Variants in SORL1 observed in about 807,000 individuals in gnomAD.
SORL1 encodes the protein sortilin related receptor 1.
SORL1 carries 127 observed loss-of-function variants against 273.7 expected under a neutral mutation model. That is an observed-to-expected ratio of 0.46 (90% CI 0.40 to 0.54). The LOEUF (loss-of-function observed/expected upper bound fraction) is 0.54, where lower values mean the gene tolerates loss of function less well. SORL1 is among the 20% of genes least tolerant of loss of function. The pLI is 0.00. For synonymous variants in SORL1, 1,031 were observed against 1,067.4 expected (o/e 0.97, Z 0.66); for missense variants, 2,494 against 2,846.1 (o/e 0.88, Z 2.81).
chr11:121,575,674 CCA>C (rs1326249884), intron 24 of SORL1, among the ~76,000 whole-genome samples: 3 of 152,320 alleles, frequency 2.0e-5, no homozygotes, highest in South Asian at 4.1e-4. Flanking sequence ...TAAAAAATTC[CCA>C]GTTTTCCTTC....
At chr11:121,583,640 A>C (rs1863048257) in intron 26 of SORL1, 57 bp downstream of exon 26, 4 of 1,539,562 alleles carry the variant, frequency 2.6e-6, no homozygotes, top group South Asian at 2.5e-5. Context: ...GCTGTTCAGG[A>C]AGAGAGGCCA....
intron 21 of SORL1, among the ~76,000 whole-genome samples, chr11:121,566,119 C>T (rs574038759): frequency 2.5e-4 from 38 of 152,220 alleles, no homozygotes; most frequent in African/African-American, 7.5e-4. Flanking sequence ...AGCAGAAACC[C>T]ACTCAAGCTA....
At chr11:121,505,182 A>G (rs899189773) in intron 6 of SORL1, among the ~76,000 whole-genome samples, 1 of 152,066 alleles carries the variant, frequency 6.6e-6, no homozygotes, top group South Asian at 2.1e-4. Context: ...CAGTTTCAGC[A>G]GTTTGTATCT....
rs138687044 is a variant in SORL1, at chr11:121,522,193, A to G, written c.1405-393A>G. Among the ~76,000 whole-genome samples, 331 of 152,320 alleles carry G rather than the reference A, an allele frequency of 2.2e-3. 7 individuals carry two copies. The highest frequency in any genetic ancestry group is 7.6e-3 in the African/African-American group (314 of 41,574). ...ACAGAATTGCTGGAATCATGTTTGA[A>G]ATATGTCTCTGACTTAGAAAGTGAA... On this transcript the variant is annotated intron_variant, in intron 9 of 47. Transcript: ENST00000260197.
At chr11:121,558,565 ATG>A in intron 19 of SORL1, 24 bp from the exon 20 acceptor site, 1 of 1,613,650 alleles carries the variant, frequency 6.2e-7, no homozygotes, top group Non-Finnish European at 8.5e-7. Context: ...TTGATGAGGT[ATG>A]TGTTCTGTCC....
At chr11:121,588,446 C>A (rs1168312087) in intron 28 of SORL1, among the ~76,000 whole-genome samples, 1 of 152,152 alleles carries the variant, frequency 6.6e-6, no homozygotes, top group African/African-American at 2.4e-5. Context: ...TCAAGGGTCG[C>A]TGAAAGTGAG....
intron 13 of SORL1, among the ~76,000 whole-genome samples, chr11:121,545,020 G>C (rs1319219594): frequency 1.3e-5 from 2 of 152,216 alleles, no homozygotes; most frequent in African/African-American, 4.8e-5. Context: ...AAGGTGGCTT[G>C]CTTCTTTCCA....
intron 11 of SORL1, among the ~76,000 whole-genome samples, chr11:121,530,938 G>A (rs779868646): frequency 3.3e-5 from 5 of 151,972 alleles, no homozygotes; most frequent in Non-Finnish European, 7.4e-5. Flanking sequence ...CTGATGTTGA[G>A]CCCATCAGTA....
chr11:121,610,940 AG>A, intron 38 of SORL1, 135 bp from the exon 39 acceptor site: 1 of 624,582 alleles, frequency 1.6e-6, no homozygotes, highest in Non-Finnish European at 2.9e-6. Flanking sequence ...AAGATCGATG[AG>A]GAACACTGCC....
chr11:121,620,385 T>G (rs1209919206), intron 43 of SORL1, among the ~76,000 whole-genome samples: 1 of 152,196 alleles, frequency 6.6e-6, no homozygotes, highest in Admixed American at 6.5e-5. Context: ...TGTGGACCCT[T>G]ACAAAAAGTT....
chr11:121,567,211 C>A, intron 22 of SORL1, 98 bp downstream of exon 22: 7 of 1,056,712 alleles, frequency 6.6e-6, no homozygotes, highest in Non-Finnish European at 8.2e-6. Flanking sequence ...CTAACCTTTT[C>A]GTGTTATTGG....
At chr11:121,553,583 C>A (rs573658584) in intron 16 of SORL1, among the ~76,000 whole-genome samples, 5 of 152,264 alleles carry the variant, frequency 3.3e-5, no homozygotes, top group Admixed American at 2.6e-4. Flanking sequence ...GGAGGGAGAA[C>A]AGGGCGATTG....
chr11:121,471,606 T>G (rs1012420087), intron 2 of SORL1, among the ~76,000 whole-genome samples: 2 of 152,344 alleles, frequency 1.3e-5, no homozygotes, highest in East Asian at 3.9e-4. Context: ...TGCCAGCACT[T>G]TCACACTAGC....
intron 6 of SORL1, among the ~76,000 whole-genome samples, chr11:121,509,047 CT>C (rs1861832806): frequency 6.6e-6 from 1 of 152,082 alleles, no homozygotes. Flanking sequence ...CCTTAGCTAT[CT>C]ACTCACTACT....
chr11:121,476,608 A>G (rs1283656473), intron 2 of SORL1, among the ~76,000 whole-genome samples: 2 of 152,138 alleles, frequency 1.3e-5, no homozygotes, highest in Non-Finnish European at 2.9e-5. Context: ...GCTCACATGG[A>G]ACCCTCAAAA....
rs78843457 is a variant in SORL1, at chr11:121,629,027, G to C, written c.6578-469G>C. Reference sequence around the variant, plus strand: ...ACTTGGTGACACAGGATTATACCGGGCGTCACAAGGGGACAGCTGTTAGTC... The same window carrying C: ...ACTTGGTGACACAGGATTATACCGGCCGTCACAAGGGGACAGCTGTTAGTC... On this transcript the variant is annotated intron_variant, in intron 47 of 47. Coordinates refer to ENST00000260197, the MANE Select transcript of SORL1 (RefSeq NM_003105.6). 6.8e-4 allele frequency: 109 copies of C among 159,878 alleles called. 2 individuals are homozygous for C. In the East Asian group the frequency reaches 0.017, roughly 25 times the overall value. 9.9% of individuals were successfully genotyped at this position (159,878 alleles called of 1,614,324 possible). A position where few individuals can be genotyped will look rare whatever the true frequency, so the allele number is the denominator to read the frequency against.
chr11:121,621,236 C>T lies in SORL1; in HGVS notation c.6062C>T (p.Thr2021Ile). The T allele has an allele frequency of 6.2e-7, 1 of 1,613,454 alleles. No individual in the cohort carries two copies. Among genetic ancestry groups the T allele is most frequent in the Non-Finnish European group, 8.5e-7 (1 of 1,179,554 alleles). Residue 2021 changes from threonine (T) to isoleucine (I), a missense_variant and splice_region_variant, in exon 44 of 48, where the codon ACA becomes ATA. Thr to Ile is a moderately conservative substitution (Grantham distance 89). This residue lies in a region of SORL1 where 1,609 missense variants were observed against 1,816.4 expected (regional missense o/e 0.89). Transcript: ENST00000260197. ...MSKDSSIKIT[T>I]VSLSAPDALK... ...AAAGATTCCAGCATAAAAATTACCA[C>T]AGGTAAGCAGGAGAGAGGTTAGAGG...
At chr11:121,549,886 G>A in intron 14 of SORL1, 74 bp from the exon 15 acceptor site, 3 of 1,419,512 alleles carry the variant, frequency 2.1e-6, no homozygotes, top group Non-Finnish European at 2.9e-6. Context: ...GTAAGGTAAA[G>A]TCAGCAGAAT....
intron 1 of SORL1, among the ~76,000 whole-genome samples, chr11:121,453,270 T>TGGAGATTTGAAAGGACTGCA (rs1860840249): frequency 6.6e-6 from 1 of 152,102 alleles, no homozygotes; most frequent in Non-Finnish European, 1.5e-5. Context: ...TCATGGCACT[T>TGGAGATTTGAAAGGACTGCA]GGAGATTTGA....
Sources: gnomAD v4.1 joint callset for allele counts (sites outside exome capture counted in the v4.1 genomes callset) on GRCh38, gnomAD v4.1.1 for gene constraint, gnomAD v4.1.1 regional missense constraint, MANE v1.5 for transcripts, NCBI Gene and HGNC (gene_info 2026-07-23, HGNC 2026-07-21) for gene names.